Variants in ITGA4 observed in about 807,000 individuals in gnomAD.
ITGA4 encodes integrin alpha-4.
Under a neutral mutation model 133.6 loss-of-function variants are expected in ITGA4, and 63 were observed. The observed-to-expected ratio is 0.47, with a 90% CI of 0.38 to 0.58. The LOEUF (loss-of-function observed/expected upper bound fraction) is 0.58. Ranked by LOEUF, ITGA4 falls within the 20% of genes least tolerant of loss-of-function variation. The pLI, the probability that ITGA4 is intolerant of heterozygous loss-of-function variation, is 0.00. For synonymous variants in ITGA4, 483 were observed against 438.0 expected (o/e 1.10, Z -1.28); for missense variants, 1,076 against 1,252.7 (o/e 0.86, Z 2.13).
chr2:181,480,445 T>A (rs1685777035), intron 6 of ITGA4, among the ~76,000 whole-genome samples, 179 bp downstream of exon 6: 2 of 152,120 alleles, frequency 1.3e-5, no homozygotes, highest in South Asian at 4.1e-4. Flanking sequence ...GTGAACTCAG[T>A]ATTTTACATT....
In ITGA4 at chr2:181,536,715, A is replaced by G. The variant is rs893624738; in HGVS notation, c.*1188A>G. ...TATTTTTATAGTTTGTTCATACTATATGAGGTTCTATTTTAAATGACTTTC... is the reference window on the plus strand; with the variant it reads ...TATTTTTATAGTTTGTTCATACTATGTGAGGTTCTATTTTAAATGACTTTC... On this transcript the variant is annotated 3_prime_UTR_variant, in exon 28 of 28. Coordinates refer to ENST00000397033, the MANE Select transcript of ITGA4 (RefSeq NM_000885.6). The G allele has an allele frequency of 4.2e-6, 1 of 237,264 alleles. No homozygotes were observed. Among genetic ancestry groups the G allele is most frequent in the African/African-American group, 2.3e-5 (1 of 43,182 alleles). 14.7% of individuals were successfully genotyped at this position (237,264 alleles called of 1,614,324 possible).
At chr2:181,497,575 G>T (rs966933242) in intron 14 of ITGA4, among the ~76,000 whole-genome samples, 2 of 152,082 alleles carry the variant, frequency 1.3e-5, no homozygotes, top group Admixed American at 6.5e-5. Context: ...CTAAAAAGAT[G>T]ATTGAAGGAT....
rs549321034 is a variant in ITGA4 at position 181,498,873 on chromosome 2, T to C, written c.1695+96T>C. The C allele has an allele frequency of 1.8e-3, 2,663 of 1,443,570 alleles. 5 individuals carry two copies. Among genetic ancestry groups the C allele is most frequent in the Non-Finnish European group, 2.2e-3 (2,402 of 1,096,522 alleles). The allele number at this position is 1,443,570 out of a possible 1,614,324, so 89.4% of individuals were successfully genotyped here. The stretch of plus-strand genomic sequence containing the variant: ...TTGGTATCTTTTTATAAAATGTAGA[T>C]AAAAGCAACTGTTACCCCTCCTGAA... On this transcript the variant is annotated intron_variant, in intron 15 of 27. Transcript: ENST00000397033.
chr2:181,460,656 T>A (rs369321723), intron 2 of ITGA4, among the ~76,000 whole-genome samples: 63 of 151,960 alleles, frequency 4.1e-4, no homozygotes, highest in African/African-American at 1.4e-3. Context: ...TGGGTGACTC[T>A]AATGTTTCAA....
At chr2:181,479,873 C>T (rs1407960662) in intron 5 of ITGA4, among the ~76,000 whole-genome samples, 2 of 152,136 alleles carry the variant, frequency 1.3e-5, no homozygotes, top group Admixed American at 6.6e-5. Flanking sequence ...GCGTTCAGTA[C>T]TTGTCCCTTC....
rs1244250954 is a variant in ITGA4 at position 181,516,072 on chromosome 2, G to C, written c.1922+4297G>C. 2.0e-5 allele frequency among the ~76,000 whole-genome samples: 3 copies of C among 151,962 alleles called. No homozygotes were observed. The highest frequency in any genetic ancestry group is 7.2e-5 in the African/African-American group (3 of 41,396). On this transcript the variant is annotated intron_variant, in intron 17 of 27. Coordinates refer to ENST00000397033, the MANE Select transcript of ITGA4 (RefSeq NM_000885.6). The surrounding 1 kb of genome is among the most constrained non-coding windows in gnomAD (Gnocchi z 4.0). ...TAGGACAATAAACTGCATTTATAAA[G>C]GACTTGCAGTGCAAAATAAAGATGA... is the stretch of plus-strand genomic sequence containing the variant.
At position 181,538,783 on chromosome 2, in the gene ITGA4, T is replaced by C. The variant is rs1264962704; in HGVS notation, c.*3256T>C. ...TCCACTAAAAGATTTAAGATCTTGATCCATTTTTAAAAATCCAAAATGGAA... is the reference window on the plus strand; with the variant it reads ...TCCACTAAAAGATTTAAGATCTTGACCCATTTTTAAAAATCCAAAATGGAA... On this transcript the variant is annotated 3_prime_UTR_variant, in exon 28 of 28. Coordinates refer to ENST00000397033, the MANE Select transcript of ITGA4 (RefSeq NM_000885.6). Among the ~76,000 whole-genome samples the C allele has an allele frequency of 5.9e-5, 9 of 152,324 alleles. No homozygotes were observed. The highest frequency in any genetic ancestry group is 1.2e-4 in the Non-Finnish European group (8 of 68,014).
intron 2 of ITGA4, 184 bp downstream of exon 2, chr2:181,458,501 A>G: frequency 6.1e-6 from 4 of 658,088 alleles, no homozygotes; most frequent in Non-Finnish European, 1.0e-5. Flanking sequence ...TTCTGTTAAT[A>G]TCGTTCTCCC....
intron 26 of ITGA4, 26 bp from the exon 27 acceptor site, chr2:181,534,790 A>C: frequency 6.6e-7 from 1 of 1,505,332 alleles, no homozygotes; most frequent in South Asian, 1.3e-5. Flanking sequence ...TTGGTTTTTG[A>C]GTTTTATTTT....
At chr2:181,500,033 T>C (rs1686237296) in intron 15 of ITGA4, among the ~76,000 whole-genome samples, 1 of 152,198 alleles carries the variant, frequency 6.6e-6, no homozygotes, top group South Asian at 2.1e-4. Flanking sequence ...AAGTGTTGTG[T>C]TGCATGTATA....
rs1559063232 is a variant in ITGA4 at position 181,537,254 on chromosome 2, G to GTTCTT, written c.*1729_*1733dup. 2 of 453,722 alleles carry GTTCTT rather than the reference G, an allele frequency of 4.4e-6. No individual in the cohort carries two copies. The highest frequency in any genetic ancestry group is 8.8e-6 in the Non-Finnish European group (2 of 226,710). The allele number at this position is 453,722 out of a possible 1,614,324, so 28.1% of individuals were successfully genotyped here. A position where few individuals can be genotyped will look rare whatever the true frequency, so the allele number is the denominator to read the frequency against. On this transcript the variant is annotated 3_prime_UTR_variant, in exon 28 of 28. Coordinates refer to ENST00000397033, the MANE Select transcript of ITGA4 (RefSeq NM_000885.6). ...TGGTCTCTAAGGAAATTTACATTTG[G>GTTCTT]TTCTTTCCTACTCAGAACTACTCAG... is the stretch of plus-strand genomic sequence containing the variant.
chr2:181,472,315 T>TG (rs1470232486), intron 2 of ITGA4, among the ~76,000 whole-genome samples: 2 of 152,252 alleles, frequency 1.3e-5, no homozygotes, highest in African/African-American at 2.4e-5. Flanking sequence ...GCTATTTACA[T>TG]GGTACATTGT....
chr2:181,475,840 G>C (rs1318721396), intron 4 of ITGA4: 1 of 1,603,972 alleles, frequency 6.2e-7, no homozygotes, highest in Admixed American at 1.7e-5. Context: ...CAAGTACAGA[G>C]CTAGGACATA....
intron 9 of ITGA4, 73 bp from the exon 10 acceptor site, chr2:181,485,808 A>C: frequency 1.6e-6 from 2 of 1,287,248 alleles, no homozygotes; most frequent in Non-Finnish European, 2.2e-6. Flanking sequence ...ATCCATATCC[A>C]ATTACAACAG....
Position 181,537,185 on chromosome 2 carries a change from T to C in ITGA4, c.*1658T>C, listed in dbSNP as rs182251976. The C allele has an allele frequency of 9.3e-5, 42 of 453,982 alleles. No individual in the cohort carries two copies. Among genetic ancestry groups the C allele is most frequent in the Admixed American group, 5.2e-4 (22 of 42,536 alleles). The allele number at this position is 453,982 out of a possible 1,614,324, so 28.1% of individuals were successfully genotyped here. On this transcript the variant is annotated 3_prime_UTR_variant, in exon 28 of 28. Transcript: ENST00000397033. The stretch of plus-strand genomic sequence containing the variant: ...TCTTTCAGGAGAACATCTAGGATCA[T>C]AGATGAAAAATCAAGCCCCGATTTA...
intron 22 of ITGA4, among the ~76,000 whole-genome samples, chr2:181,529,138 A>G (rs899606463): frequency 6.6e-5 from 10 of 152,324 alleles, no homozygotes; most frequent in African/African-American, 2.2e-4. Flanking sequence ...TGGGAACACT[A>G]AGAACACCTG....
chr2:181,530,778 G>A (rs1686928939), intron 24 of ITGA4, 129 bp downstream of exon 24: 2 of 794,932 alleles, frequency 2.5e-6, no homozygotes, highest in Admixed American at 2.2e-5. Flanking sequence ...TAGTATTCTT[G>A]CGTGGAAGGA....
chr2:181,489,703 C>T (rs1482272273), intron 10 of ITGA4, among the ~76,000 whole-genome samples: 1 of 151,874 alleles, frequency 6.6e-6, no homozygotes, highest in Non-Finnish European at 1.5e-5. Flanking sequence ...TTGTTACATG[C>T]ATCGATTACA....
chr2:181,503,393 A>C (rs1443981539), intron 15 of ITGA4, among the ~76,000 whole-genome samples: 1 of 151,978 alleles, frequency 6.6e-6, no homozygotes, highest in Non-Finnish European at 1.5e-5. Flanking sequence ...ACTGGCATGT[A>C]GATTTTTGTT....
Sources: allele counts gnomAD v4.1 joint callset (sites outside exome capture counted in the v4.1 genomes callset), GRCh38; gene constraint gnomAD v4.1.1; non-coding constraint Gnocchi (gnomAD v3.1); transcripts MANE v1.5; gene names NCBI Gene and HGNC (gene_info 2026-07-23, HGNC 2026-07-21).